ODF2: variants seen among roughly 807,000 people sequenced by gnomAD.
ODF2 encodes outer dense fiber of sperm tails 2, also known as outer dense fiber protein 2.
A neutral mutation model predicts 110.2 loss-of-function variants in ODF2; 47 were observed. The observed-to-expected ratio is 0.43, with a 90% CI of 0.34 to 0.54. The LOEUF (loss-of-function observed/expected upper bound fraction) is 0.54, where lower values mean the gene tolerates loss of function less well. Ranked by LOEUF, ODF2 falls within the 20% of genes least tolerant of loss-of-function variation. The probability of loss-of-function intolerance (pLI) is 0.03; values close to 1 mark genes in which losing one functional copy is unlikely to be tolerated. For missense variants in ODF2, 812 were observed against 1,054.5 expected (o/e 0.77, Z 3.19); for synonymous variants, 352 against 397.7 (o/e 0.89, Z 1.37).
exon 7 of ODF2, chr9:128,472,926 C>T: frequency 6.2e-7 from 1 of 1,614,046 alleles, no homozygotes; most frequent in Non-Finnish European, 8.5e-7. Flanking sequence ...TCAGAAGAAA[C>T]ACCTACAACA....
chr9:128,481,698 A>G (rs766501117), intron 9 of ODF2, 47 bp downstream of exon 9: 11 of 1,490,914 alleles, frequency 7.4e-6, no homozygotes, highest in Admixed American at 1.8e-5. Flanking sequence ...AGGTGGCAAG[A>G]GCGTCGTTCC....
intron 4 of ODF2, among the ~76,000 whole-genome samples, chr9:128,466,279 A>C (rs1433092936): frequency 6.6e-6 from 1 of 151,974 alleles, no homozygotes; most frequent in Non-Finnish European, 1.5e-5. Flanking sequence ...CAGCTTGGAC[A>C]ATGTGACGAA....
intron 1 of ODF2, chr9:128,456,477 C>T (rs1834809885): frequency 3.9e-6 from 6 of 1,523,494 alleles, no homozygotes; most frequent in African/African-American, 1.4e-5. Context: ...CGCCTCCTTC[C>T]TCTCTTGGCT....
chr9:128,461,542 C>T (rs1836454320), intron 4 of ODF2, among the ~76,000 whole-genome samples: 1 of 152,116 alleles, frequency 6.6e-6, no homozygotes, highest in African/African-American at 2.4e-5. Flanking sequence ...CCTCAGCCTC[C>T]CTAGTAGCTG....
Position 128,471,468 on chromosome 9 carries a change from T to C in ODF2, c.581T>C (p.Ile194Thr), listed in dbSNP as rs1317240810. 7 of 1,612,510 alleles carry C rather than the reference T, an allele frequency of 4.3e-6. No individual in the cohort carries two copies. In the East Asian group the frequency reaches 1.3e-4, roughly 31 times the overall value. The change falls in exon 6 of 21, where the codon ATA (isoleucine) becomes ACA (threonine). Residue 194 changes from isoleucine to threonine, a missense_variant and splice_region_variant. Ile to Thr is a moderately conservative substitution (Grantham distance 89). Around this residue, in one of 5 missense-constraint regions of ODF2, gnomAD observed 219 missense variants for 321.3 expected, o/e 0.68. Transcript: ENST00000604420. ...ATGAAGGAGGAGAAGGACTTCACCA[T>C]GTAAGGTGGCTCCTGCTCTGTCCCC...
intron 20 of ODF2, 88 bp downstream of exon 20, chr9:128,499,214 T>C (rs1846155410): frequency 6.6e-7 from 1 of 1,511,812 alleles, no homozygotes; most frequent in Non-Finnish European, 9.0e-7. Context: ...TTGTTGTTAC[T>C]GTTTTTGTGA....
At chr9:128,480,135 A>G (rs1842130695) in intron 8 of ODF2, among the ~76,000 whole-genome samples, 1 of 152,210 alleles carries the variant, frequency 6.6e-6, no homozygotes, top group South Asian at 2.1e-4. Flanking sequence ...CTCTAAAAGA[A>G]ATAAAAAGGT....
intron 8 of ODF2, among the ~76,000 whole-genome samples, chr9:128,477,180 C>T (rs1841460233): frequency 6.7e-6 from 1 of 149,272 alleles, no homozygotes; most frequent in South Asian, 2.1e-4. Context: ...TTGCAGTGAG[C>T]CTAGATTGCA....
At chr9:128,471,591 C>T (rs1588825953) in intron 6 of ODF2, 123 bp downstream of exon 6, 2 of 791,088 alleles carry the variant, frequency 2.5e-6, no homozygotes, top group Non-Finnish European at 2.0e-6. Context: ...TGCCCTGGAG[C>T]CTGTTCAACA....
chr9:128,467,561 A>T (rs1222492381), intron 4 of ODF2, among the ~76,000 whole-genome samples: 1 of 151,966 alleles, frequency 6.6e-6, no homozygotes, highest in Non-Finnish European at 1.5e-5. Flanking sequence ...CCTGGCCAAC[A>T]TGGTGAAACC....
chr9:128,497,412 C>T (rs1166188243), intron 18 of ODF2: 5 of 96,954 alleles, frequency 5.2e-5, no homozygotes, highest in African/African-American at 1.7e-4. Flanking sequence ...ACGGTGAAAT[C>T]CCGTCTCTAC....
rs949174049 is a variant in ODF2, at chr9:128,466,685, T to C, written c.250-2498T>C. Among the ~76,000 whole-genome samples the C allele has an allele frequency of 9.4e-5, 14 of 148,334 alleles. No homozygotes were observed. The South Asian group carries it at 1.7e-3, about 18-fold the overall frequency. ...TATATATTTGTCATTTTAAAAAATATATAGTCATGTGGCCGGGCGTGGTGG... is the reference window on the plus strand; with the variant it reads ...TATATATTTGTCATTTTAAAAAATACATAGTCATGTGGCCGGGCGTGGTGG... On this transcript the variant is annotated intron_variant, in intron 4 of 20. Transcript: ENST00000604420.
At chr9:128,460,402 C>A in intron 3 of ODF2, 148 bp from the exon 3 acceptor site, 1 of 1,441,618 alleles carries the variant, frequency 6.9e-7, no homozygotes, top group South Asian at 1.3e-5. Flanking sequence ...GCCTTACTCC[C>A]TGCCTGCATG....
chr9:128,467,792 T>G (rs1044430516), intron 4 of ODF2, among the ~76,000 whole-genome samples: 1 of 151,444 alleles, frequency 6.6e-6, no homozygotes, highest in African/African-American at 2.4e-5. Context: ...GCATAAAGTT[T>G]CCTGAAGCAT....
upstream of ODF2, chr9:128,455,206 C>G (rs951932918): frequency 1.4e-5 from 21 of 1,535,280 alleles, 1 homozygote; most frequent in African/African-American, 2.9e-4. Flanking sequence ...GATGGCGGAC[C>G]AGCAAGGACC....
chr9:128,456,450 G>C, intron 1 of ODF2, 195 bp downstream of exon 1: 1 of 1,515,570 alleles, frequency 6.6e-7, no homozygotes, highest in Admixed American at 2.0e-5. Context: ...TCCTCCTCCC[G>C]CTAACGGGCG....
rs1844871764 is a variant in ODF2 at position 128,492,917 on chromosome 9, G to A, written c.1752+112G>A. ...GACCCTACCTGATTTGGGCAACAAAGGTGAGCTCATTTTCTCATTGGTGGG... is the reference window on the plus strand; with the variant it reads ...GACCCTACCTGATTTGGGCAACAAAAGTGAGCTCATTTTCTCATTGGTGGG... On this transcript the variant is annotated intron_variant, in intron 16 of 20. Coordinates refer to ENST00000604420, the Ensembl canonical transcript of ODF2. 8.3e-6 allele frequency: 7 copies of A among 838,706 alleles called. No homozygotes were observed. In the Admixed American group the frequency reaches 1.2e-4, roughly 14 times the overall value. The allele number at this position is 838,706 out of a possible 1,614,324, so 52.0% of individuals were successfully genotyped here.
rs1166274857 is a variant in ODF2 at position 128,470,259 on chromosome 9, G to A, written c.420+906G>A. Among the ~76,000 whole-genome samples, 3 of 150,892 alleles carry A rather than the reference G, an allele frequency of 2.0e-5. No homozygotes were observed. In the South Asian group the frequency reaches 6.3e-4, roughly 32 times the overall value. ...CAGCCTATGTCTTCACTGCTAACACGACCTGTGTCTTTAATCCTCCACCCT... is the reference window on the plus strand; with the variant it reads ...CAGCCTATGTCTTCACTGCTAACACAACCTGTGTCTTTAATCCTCCACCCT... On this transcript the variant is annotated intron_variant, in intron 5 of 20. Transcript: ENST00000604420.
At chr9:128,496,794 C>T (rs534388169) in intron 18 of ODF2, among the ~76,000 whole-genome samples, 1 of 152,326 alleles carries the variant, frequency 6.6e-6, no homozygotes, top group East Asian at 1.9e-4. Flanking sequence ...GTGGTGCAAT[C>T]TCAGCTCACT....
Sources: gnomAD v4.1 joint callset for allele counts (sites outside exome capture counted in the v4.1 genomes callset) on GRCh38, gnomAD v4.1.1 for gene constraint, gnomAD v4.1.1 regional missense constraint, MANE v1.5 for transcripts, NCBI Gene and HGNC (gene_info 2026-07-23, HGNC 2026-07-21) for gene names.